The following NLRP3 variants were observed in gnomAD, a reference collection of about 807,000 sequenced individuals.
NLRP3 encodes the protein NLR family pyrin domain containing 3.
NLRP3 carries 48 observed loss-of-function variants against 91.3 expected under a neutral mutation model. That is an observed-to-expected ratio of 0.53 (90% CI 0.42 to 0.67). The LOEUF is 0.67. Ranked by LOEUF, NLRP3 falls within the 30% of genes least tolerant of loss-of-function variation. NLRP3 has a pLI of 0.00. For missense variants in NLRP3, 982 were observed against 1,276.9 expected (o/e 0.77, Z 3.52); for synonymous variants, 561 against 507.9 (o/e 1.10, Z -1.41).
chr1:247,441,941 TA>T (rs1024202949), intron 7 of NLRP3, among the ~76,000 whole-genome samples: 2 of 152,258 alleles, frequency 1.3e-5, no homozygotes, highest in Non-Finnish European at 2.9e-5. Context: ...TTACATAATT[TA>T]AAAAATATTT....
chr1:247,418,180 G>A lies in NLRP3; in HGVS notation c.-621G>A, dbSNP rs201691921. The A allele has an allele frequency of 2.5e-5, 4 of 158,816 alleles. No individual in the cohort carries two copies. Among genetic ancestry groups the A allele is most frequent in the Non-Finnish European group, 4.2e-5 (3 of 71,738 alleles). 9.8% of individuals were successfully genotyped at this position (158,816 alleles called of 1,614,324 possible). A position where few individuals can be genotyped will look rare whatever the true frequency, so the allele number is the denominator to read the frequency against. ...GTGAAGTGGTTGTTCACCGTAAACTGTAATACAATCCTGTTTATGGATTTG... is the reference window on the plus strand; with the variant it reads ...GTGAAGTGGTTGTTCACCGTAAACTATAATACAATCCTGTTTATGGATTTG... On this transcript the variant is annotated 5_prime_UTR_variant, in exon 2 of 10. Transcript: ENST00000336119.
intron 7 of NLRP3, among the ~76,000 whole-genome samples, chr1:247,442,382 A>G (rs1408826100): frequency 6.6e-6 from 1 of 152,222 alleles, no homozygotes; most frequent in Non-Finnish European, 1.5e-5. Flanking sequence ...TCCTGGCTTC[A>G]TGGAATAGAA....
chr1:247,431,278 C>T (rs190789905), intron 5 of NLRP3, among the ~76,000 whole-genome samples: 3 of 152,306 alleles, frequency 2.0e-5, no homozygotes, highest in Admixed American at 1.3e-4. Flanking sequence ...GGTGCCTGGG[C>T]CGCCTCACTA....
At chr1:247,446,643 C>G (rs761358253) in intron 9 of NLRP3, among the ~76,000 whole-genome samples, 4 of 150,210 alleles carry the variant, frequency 2.7e-5, no homozygotes, top group South Asian at 4.3e-4. Context: ...GTCTTCTCTG[C>G]GAGGCTGTCT....
At chr1:247,429,779 G>C in intron 5 of NLRP3, 24 bp downstream of exon 5, 11 of 1,612,464 alleles carry the variant, frequency 6.8e-6, no homozygotes, top group Non-Finnish European at 8.5e-6. Context: ...CATGTGATCT[G>C]TGTGAGTGCA....
At chr1:247,416,701 G>A (rs935775135) in intron 1 of NLRP3, among the ~76,000 whole-genome samples, 3 of 124,162 alleles carry the variant, frequency 2.4e-5, no homozygotes, top group African/African-American at 6.4e-5. Context: ...GAGGGTATGC[G>A]GAGCTAATAG....
intron 9 of NLRP3, 135 bp downstream of exon 9, chr1:247,444,956 T>A (rs1011065986): frequency 3.0e-5 from 25 of 840,352 alleles, no homozygotes; most frequent in Non-Finnish European, 4.4e-5. Flanking sequence ...TCAGTTGTGG[T>A]GGATATTTTA....
chr1:247,429,009 C>T (rs534896918), intron 4 of NLRP3, among the ~76,000 whole-genome samples: 53 of 152,026 alleles, frequency 3.5e-4, no homozygotes, highest in Non-Finnish European at 5.3e-4. Flanking sequence ...TCTCCTGCCT[C>T]AGCCTCCCTA....
chr1:247,430,398 G>A (rs1663224602), intron 5 of NLRP3, among the ~76,000 whole-genome samples: 1 of 151,472 alleles, frequency 6.6e-6, no homozygotes, highest in South Asian at 2.1e-4. Context: ...TCTTCTTACA[G>A]GGACAGCAGT....
rs777985232 is a variant in NLRP3, at chr1:247,424,814, C to A, written c.1365C>A (p.Ser455Arg). Residue 455 changes from serine to arginine, a missense_variant, in exon 4 of 10, where the codon AGC (serine) becomes AGA (arginine). Transcript: ENST00000336119. The surrounding 1 kb of genome is among the most constrained non-coding windows in gnomAD (Gnocchi z 8.1). ...GTTTGCTGCAGCCCCGGGGAGGGAG[C>A]CAGGAGCACGGCCTCTGCGCCCACC... ...LSSLLQPRGGSQEHGLCAHLW... is the reference protein window; with the variant it reads ...LSSLLQPRGGRQEHGLCAHLW... 3 of 1,608,448 alleles carry A rather than the reference C, an allele frequency of 1.9e-6. No individual in the cohort carries two copies. Among genetic ancestry groups the A allele is most frequent in the Admixed American group, 1.7e-5 (1 of 60,020 alleles).
At chr1:247,444,597 G>T in intron 8 of NLRP3, 54 bp from the exon 9 acceptor site, 2 of 1,591,802 alleles carry the variant, frequency 1.3e-6, no homozygotes, top group Non-Finnish European at 1.7e-6. Context: ...AAATCTTGGG[G>T]AGCTAGGGGG....
chr1:247,433,649 C>T (rs12068914), intron 5 of NLRP3, among the ~76,000 whole-genome samples: 19 of 135,800 alleles, frequency 1.4e-4, no homozygotes, highest in East Asian at 9.4e-4. Flanking sequence ...TCAGGTGTGT[C>T]CTGATGCTTT....
At chr1:247,432,599 G>C (rs1663421988) in intron 5 of NLRP3, among the ~76,000 whole-genome samples, 1 of 152,160 alleles carries the variant, frequency 6.6e-6, no homozygotes, top group East Asian at 1.9e-4. Context: ...CATTGCCCCT[G>C]TATGATTCTG....
chr1:247,448,207 C>T (rs1664719346), intron 9 of NLRP3, among the ~76,000 whole-genome samples, 198 bp from the exon 10 acceptor site: 1 of 149,048 alleles, frequency 6.7e-6, no homozygotes, highest in Non-Finnish European at 1.5e-5. Context: ...TCGCGGCCAT[C>T]TTGGTCTCGG....
At chr1:247,441,193 T>TCC (rs66774877) in intron 7 of NLRP3, among the ~76,000 whole-genome samples, 1,678 of 64,184 alleles carry the variant, frequency 0.026, 11 homozygotes, top group South Asian at 0.038. Flanking sequence ...TCCCTTCCCC[T>TCC]CCCCCCCCCC....
chr1:247,434,387 G>A lies in NLRP3; in HGVS notation c.2492+114G>A, dbSNP rs977243673. ...GAGTGAGAATGGCCTTGGCGGCTCG[G>A]GTGACTGCGTGTGCTTGTCTTGGGG... On this transcript the variant is annotated intron_variant, in intron 6 of 9. Transcript: ENST00000336119. The A allele has an allele frequency of 5.5e-6, 6 of 1,096,270 alleles. No individual in the cohort carries two copies. In the African/African-American group the frequency reaches 6.2e-5, roughly 11 times the overall value. The allele number at this position is 1,096,270 out of a possible 1,614,324, so 67.9% of individuals were successfully genotyped here. A position where few individuals can be genotyped will look rare whatever the true frequency, so the allele number is the denominator to read the frequency against.
chr1:247,423,895 T>C lies in NLRP3; in HGVS notation c.446T>C (p.Ile149Thr), dbSNP rs201768649. ...RKYVRSRFQC[I>T]EDRNARLGES... ...TACGTGAGAAGCAGATTCCAGTGCA[T>C]TGAAGACAGGAATGCCCGTCTGGGT... is the stretch of plus-strand genomic sequence containing the variant. Residue 149 changes from isoleucine (I) to threonine (T), a missense_variant, in exon 4 of 10, where the codon ATT (isoleucine) becomes ACT (threonine). Around this residue, in one of 5 missense-constraint regions of NLRP3, gnomAD observed 548 missense variants for 713.7 expected, o/e 0.77. Transcript: ENST00000336119. 16 of 1,613,922 alleles carry C rather than the reference T, an allele frequency of 9.9e-6. No homozygotes were observed. Among genetic ancestry groups the C allele is most frequent in the African/African-American group, 8.0e-5 (6 of 74,870 alleles).
chr1:247,436,007 G>T lies in NLRP3; in HGVS notation c.2530G>T (p.Asp844Tyr), dbSNP rs1409419107. 3 of 1,614,014 alleles carry T rather than the reference G, an allele frequency of 1.9e-6. No homozygotes were observed. The East Asian group carries it at 6.7e-5, about 36-fold the overall frequency. ...SCCLTSACCQDLASVLSTSHS... is the reference protein window; with the variant it reads ...SCCLTSACCQYLASVLSTSHS... ...CTGCCTCACATCAGCATGTTGTCAG[G>T]ATCTTGCATCAGTATTGAGCACCAG... Residue 844 changes from aspartate to tyrosine, a missense_variant, in exon 7 of 10, where the codon GAT (aspartate) becomes TAT (tyrosine). Physicochemically the swap from Asp to Tyr is radical, Grantham distance 160 (BLOSUM62 -3). Around this residue, in one of 5 missense-constraint regions of NLRP3, gnomAD observed 373 missense variants for 431.5 expected, o/e 0.86. Coordinates refer to ENST00000336119, the MANE Select transcript of NLRP3 (RefSeq NM_001243133.2).
At chr1:247,445,672 G>A (rs1296501326) in intron 9 of NLRP3, among the ~76,000 whole-genome samples, 1 of 152,168 alleles carries the variant, frequency 6.6e-6, no homozygotes, top group African/African-American at 2.4e-5. Flanking sequence ...TCTGTCAGCC[G>A]TGATGATTGC....
Sources: allele counts gnomAD v4.1 joint callset (sites outside exome capture counted in the v4.1 genomes callset), GRCh38; gene constraint gnomAD v4.1.1; regional missense constraint gnomAD v4.1.1; non-coding constraint Gnocchi (gnomAD v3.1); transcripts MANE v1.5; gene names NCBI Gene and HGNC (gene_info 2026-07-23, HGNC 2026-07-21).